STK3: variants seen among roughly 807,000 people sequenced by gnomAD.
STK3 encodes serine/threonine kinase 3.
STK3 carries 41 observed loss-of-function variants against 58.0 expected under a neutral mutation model. That is an observed-to-expected ratio of 0.71 (90% confidence interval 0.55 to 0.92). The LOEUF is 0.92. STK3 is among the 40% of genes least tolerant of loss of function. The pLI, the probability that STK3 is intolerant of heterozygous loss-of-function variation, is 0.00. For synonymous variants in STK3, 170 were observed against 191.0 expected (o/e 0.89, Z 0.91); for missense variants, 479 against 602.7 (o/e 0.79, Z 2.15).
chr8:98,738,713 C>A (rs1828859228), intron 4 of STK3, among the ~76,000 whole-genome samples: 1 of 152,180 alleles, frequency 6.6e-6, no homozygotes, highest in Non-Finnish European at 1.5e-5. Context: ...AGGTTCATCT[C>A]ACTAGAGAGT....
chr8:98,373,312 T>C (rs1817632300), intron 2 of STK3, among the ~76,000 whole-genome samples: 1 of 152,210 alleles, frequency 6.6e-6, no homozygotes, highest in African/African-American at 2.4e-5. Context: ...GGATTCTAGA[T>C]CCACATTCTT....
intron 10 of STK3, among the ~76,000 whole-genome samples, chr8:98,521,305 CCTTT>C (rs1420094718): frequency 5.3e-5 from 8 of 152,048 alleles, no homozygotes; most frequent in African/African-American, 1.7e-4. Flanking sequence ...AGAACATCTT[CCTTT>C]ATTATTTTTT....
At chr8:98,506,478 G>A (rs1006714917) in intron 10 of STK3, among the ~76,000 whole-genome samples, 4 of 152,138 alleles carry the variant, frequency 2.6e-5, no homozygotes, top group Non-Finnish European at 5.9e-5. Context: ...CGTCTTCTGC[G>A]TCAATCACAC....
intron 1 of STK3, among the ~76,000 whole-genome samples, chr8:98,917,406 T>C (rs1191971800): frequency 6.6e-6 from 1 of 152,168 alleles, no homozygotes; most frequent in Non-Finnish European, 1.5e-5. Flanking sequence ...GGGCTTCTCA[T>C]CTGTAATGGA....
chr8:98,744,615 G>A (rs1829506585), intron 4 of STK3, among the ~76,000 whole-genome samples: 1 of 149,516 alleles, frequency 6.7e-6, no homozygotes, highest in South Asian at 2.1e-4. Context: ...ATAGCATTAG[G>A]AGATATACCT....
chr8:98,678,192 T>C (rs1823364434), intron 6 of STK3, among the ~76,000 whole-genome samples: 1 of 152,132 alleles, frequency 6.6e-6, no homozygotes, highest in African/African-American at 2.4e-5. Flanking sequence ...AAGTTAAAGA[T>C]AGGATGTACA....
chr8:98,745,805 C>T (rs756143114), intron 4 of STK3, among the ~76,000 whole-genome samples: 3 of 152,096 alleles, frequency 2.0e-5, no homozygotes, highest in Non-Finnish European at 2.9e-5. Flanking sequence ...AAAGTACAGT[C>T]ATGTGTCACC....
chr8:98,421,629 A>G (rs953909638), intron 3 of STK3, among the ~76,000 whole-genome samples: 8 of 152,078 alleles, frequency 5.3e-5, no homozygotes, highest in African/African-American at 1.9e-4. Flanking sequence ...TACAAAAATT[A>G]GCCAGGTGTG....
intron 6 of STK3, among the ~76,000 whole-genome samples, chr8:98,634,598 G>C (rs1241353849): frequency 6.6e-6 from 1 of 152,106 alleles, no homozygotes; most frequent in Non-Finnish European, 1.5e-5. Flanking sequence ...TACATAGTTG[G>C]TTCAAATATA....
chr8:98,930,222 G>T (rs1026606519), intron 1 of STK3, among the ~76,000 whole-genome samples: 3 of 152,110 alleles, frequency 2.0e-5, no homozygotes, highest in African/African-American at 7.2e-5. Flanking sequence ...AGGCGGTTGT[G>T]GGGGGAATGG....
chr8:98,823,007 C>CA (rs1471608392), intron 1 of STK3, among the ~76,000 whole-genome samples: 7 of 152,236 alleles, frequency 4.6e-5, no homozygotes, highest in South Asian at 4.1e-4. Context: ...CAAAACAAAA[C>CA]AAAATAGTTT....
At chr8:98,370,592 A>G (rs193103662), downstream of STK3, among the ~76,000 whole-genome samples, 96 of 152,300 alleles carry the variant, frequency 6.3e-4, 1 homozygote, top group Non-Finnish European at 1.2e-3. Flanking sequence ...GAGTAGGACT[A>G]AAACCAAGAA....
At position 98,931,838 on chromosome 8, in the gene STK3, G is replaced by C. The variant is rs189497729; in HGVS notation, c.-79+10540C>G. Among the ~76,000 whole-genome samples, 4 of 152,316 alleles carry C rather than the reference G, an allele frequency of 2.6e-5. No individual in the cohort carries two copies. The East Asian group carries it at 7.7e-4, about 29-fold the overall frequency. On this transcript the variant is annotated intron_variant, in intron 1 of 1. Coordinates refer to the STK3 transcript ENST00000519420. ...AAGTATACTTTCTTTTACTCTAAAA[G>C]ATAGAGCTCCTTAATTGATTTCGCC...
intron 4 of STK3, among the ~76,000 whole-genome samples, chr8:98,710,314 C>T (rs995436213): frequency 2.6e-5 from 4 of 152,136 alleles, no homozygotes; most frequent in Admixed American, 2.0e-4. Context: ...GGGTACAGTG[C>T]ACTGAGCATG....
At chr8:98,771,482 T>C (rs1831311131) in intron 2 of STK3, among the ~76,000 whole-genome samples, 1 of 152,218 alleles carries the variant, frequency 6.6e-6, no homozygotes, top group Non-Finnish European at 1.5e-5. Context: ...ATCTTCTGTA[T>C]TTTCTATTTT....
At chr8:98,751,567 C>A (rs1829984958) in intron 3 of STK3, among the ~76,000 whole-genome samples, 1 of 152,118 alleles carries the variant, frequency 6.6e-6, no homozygotes, top group Non-Finnish European at 1.5e-5. Context: ...AAGATCTCCA[C>A]AAAGAGAACT....
intron 1 of STK3, among the ~76,000 whole-genome samples, chr8:98,798,691 A>G (rs1446213990): frequency 1.3e-5 from 2 of 152,212 alleles, no homozygotes; most frequent in Admixed American, 6.5e-5. Context: ...TCAGGTGCTG[A>G]ATCTAAACGG....
At chr8:98,350,467 A>G in the STK3 span, among the ~76,000 whole-genome samples, 2 of 152,190 alleles carry the variant, frequency 1.3e-5, no homozygotes, top group Non-Finnish European at 2.9e-5. Flanking sequence ...ACCCACTTCT[A>G]AAGTTGTTTC....
chr8:98,549,898 T>C (rs1303498377), intron 8 of STK3, among the ~76,000 whole-genome samples: 1 of 152,070 alleles, frequency 6.6e-6, no homozygotes, highest in Non-Finnish European at 1.5e-5. Context: ...TCCTAGCTAC[T>C]TGATGGGCTG....
Sources: allele counts gnomAD v4.1 joint callset (sites outside exome capture counted in the v4.1 genomes callset), GRCh38; gene constraint gnomAD v4.1.1; transcripts MANE v1.5; gene names NCBI Gene and HGNC (gene_info 2026-07-23, HGNC 2026-07-21).